MACROD2: variants seen among roughly 807,000 people sequenced by gnomAD.
MACROD2 encodes the protein mono-ADP ribosylhydrolase 2, also known as ADP-ribose glycohydrolase MACROD2.
In MACROD2, 36 loss-of-function variants were observed where a neutral mutation model predicts 70.4. The observed-to-expected ratio is 0.51, with a 90% CI of 0.39 to 0.68. The LOEUF is 0.68. Among genes scored for constraint, MACROD2 ranks in the 30% least tolerant of loss-of-function variants. The pLI, the probability that MACROD2 is intolerant of heterozygous loss-of-function variation, is 0.00. For missense variants in MACROD2, 496 were observed against 538.4 expected, an observed-to-expected ratio of 0.92 and a Z score of 0.78; for synonymous variants, 172 against 178.8, an observed-to-expected ratio of 0.96 and a Z score of 0.30.
At chr20:15,853,134 T>A (rs1163860882) in intron 8 of MACROD2, among the ~76,000 whole-genome samples, 1 of 152,170 alleles carries the variant, frequency 6.6e-6, no homozygotes, top group East Asian at 1.9e-4. Context: ...AGGGTAGAAA[T>A]AAAGGACTCA....
At chr20:14,471,316 CGCCTTCT>C (rs1362992478) in intron 3 of MACROD2, among the ~76,000 whole-genome samples, 1 of 152,176 alleles carries the variant, frequency 6.6e-6, no homozygotes, top group Non-Finnish European at 1.5e-5. Flanking sequence ...TGAAATCACC[CGCCTTCT>C]ACATTGATCT....
intron 2 of MACROD2, among the ~76,000 whole-genome samples, chr20:14,038,076 T>C (rs1194515684): frequency 1.3e-5 from 2 of 152,120 alleles, no homozygotes; most frequent in African/African-American, 4.8e-5. Context: ...AGTGGATCAC[T>C]TCACGTCAGG....
chr20:15,845,596 A>G (rs1313916073), intron 8 of MACROD2, among the ~76,000 whole-genome samples: 1 of 152,134 alleles, frequency 6.6e-6, no homozygotes, highest in Admixed American at 6.6e-5. Context: ...AGCAAACTAG[A>G]TAAGTGTACT....
intron 8 of MACROD2, among the ~76,000 whole-genome samples, chr20:15,667,475 CTATG>C (rs1225687017): frequency 6.8e-6 from 1 of 147,382 alleles, no homozygotes; most frequent in East Asian, 2.0e-4. Context: ...ATCTATGTAT[CTATG>C]TATCTATGTA....
intron 6 of MACROD2, among the ~76,000 whole-genome samples, chr20:15,380,778 A>T (rs1179591958): frequency 1.3e-5 from 2 of 152,200 alleles, no homozygotes; most frequent in African/African-American, 4.8e-5. Flanking sequence ...TCAAAAATTG[A>T]GAAAATATTA....
Position 15,185,935 on chromosome 20 carries a change from A to G in MACROD2, c.419-44005A>G, listed in dbSNP as rs1306918796. Reference sequence around the variant, plus strand: ...AGGAATGCAGTATTATATATCACTCACTCATGAGAAATGACTCCTTGTTTG... The same window carrying G: ...AGGAATGCAGTATTATATATCACTCGCTCATGAGAAATGACTCCTTGTTTG... On this transcript the variant is annotated intron_variant, in intron 5 of 17. Coordinates refer to ENST00000684519, the MANE Select transcript of MACROD2 (RefSeq NM_001351661.2). 3.9e-5 allele frequency among the ~76,000 whole-genome samples: 6 copies of G among 152,080 alleles called. No individual in the cohort carries two copies. In the East Asian group the frequency reaches 1.2e-3, roughly 29 times the overall value.
chr20:15,758,237 C>CTTTTT (rs397793806), intron 8 of MACROD2, among the ~76,000 whole-genome samples: 1 of 122,130 alleles, frequency 8.2e-6, no homozygotes, highest in African/African-American at 3.1e-5. Context: ...TCCTGTAATT[C>CTTTTT]TTTTTTTTTT....
intron 9 of MACROD2, among the ~76,000 whole-genome samples, chr20:15,864,221 A>G (rs1412795524): frequency 3.3e-5 from 5 of 152,040 alleles, no homozygotes; most frequent in Non-Finnish European, 5.9e-5. Flanking sequence ...TAATCTGATG[A>G]CTTTTATTGT....
At chr20:16,015,133 A>G (rs1205357491) in intron 15 of MACROD2, among the ~76,000 whole-genome samples, 1 of 152,204 alleles carries the variant, frequency 6.6e-6, no homozygotes, top group Non-Finnish European at 1.5e-5. Flanking sequence ...GTTTATATGT[A>G]TAGAAACCTG....
chr20:14,569,119 G>A (rs1568675552), intron 4 of MACROD2, among the ~76,000 whole-genome samples: 2 of 151,974 alleles, frequency 1.3e-5, no homozygotes, highest in Non-Finnish European at 2.9e-5. Context: ...ATCTTTTTCT[G>A]TCCTTTGTCT....
chr20:15,038,125 G>A (rs2075328272), intron 5 of MACROD2, among the ~76,000 whole-genome samples: 1 of 152,152 alleles, frequency 6.6e-6, no homozygotes, highest in Admixed American at 6.6e-5. Flanking sequence ...AATGTGCTTA[G>A]AATATATGCC....
chr20:14,953,180 A>T (rs1034199727), intron 5 of MACROD2, among the ~76,000 whole-genome samples: 35 of 152,086 alleles, frequency 2.3e-4, no homozygotes, highest in African/African-American at 8.2e-4. Flanking sequence ...TGAGTCAAAA[A>T]TGTATTGGGT....
At position 16,051,533 on chromosome 20, in the gene MACROD2, C is replaced by T. The variant is rs1229164673; in HGVS notation, c.*1657C>T. 4 of 152,260 alleles carry T rather than the reference C, an allele frequency of 2.6e-5. No individual in the cohort carries two copies. The highest frequency in any genetic ancestry group is 6.5e-5 in the Admixed American group (1 of 15,296). The allele number at this position is 152,260 out of a possible 1,614,324, so 9.4% of individuals were successfully genotyped here. On this transcript the variant is annotated 3_prime_UTR_variant, in exon 18 of 18. Transcript: ENST00000684519. ...AAGACATCAGCAAGAATGACATTTA[C>T]GTGACCTCATAATGTGGGATTATGG...
chr20:14,892,605 T>C (rs929406718), intron 5 of MACROD2: 12 of 152,206 alleles, frequency 7.9e-5, no homozygotes, highest in African/African-American at 2.9e-4. Context: ...ATTAACTATA[T>C]TCACGTTGTT....
At chr20:15,206,492 A>C (rs2145937142) in intron 5 of MACROD2, among the ~76,000 whole-genome samples, 1 of 152,172 alleles carries the variant, frequency 6.6e-6, no homozygotes. Flanking sequence ...TACATACATC[A>C]ATCAATGTGG....
chr20:14,391,798 A>G (rs1192268025), intron 3 of MACROD2, among the ~76,000 whole-genome samples: 4 of 144,398 alleles, frequency 2.8e-5, no homozygotes, highest in East Asian at 2.0e-4. Flanking sequence ...GATGGCAACA[A>G]TAGACACTGA....
At chr20:15,975,502 A>T (rs1012698575) in intron 13 of MACROD2, among the ~76,000 whole-genome samples, 10 of 152,202 alleles carry the variant, frequency 6.6e-5, no homozygotes, top group African/African-American at 2.4e-4. Context: ...CTCACCCATA[A>T]CGTGGAATAT....
intron 3 of MACROD2, among the ~76,000 whole-genome samples, chr20:14,450,387 G>A (rs558011365): frequency 6.6e-6 from 1 of 152,174 alleles, no homozygotes; most frequent in African/African-American, 2.4e-5. Flanking sequence ...TGCACACACT[G>A]AACAAATAAT....
chr20:15,425,254 C>G (rs952874336), intron 6 of MACROD2, among the ~76,000 whole-genome samples: 2 of 152,168 alleles, frequency 1.3e-5, no homozygotes, highest in Non-Finnish European at 2.9e-5. Flanking sequence ...CAATTTATCT[C>G]CTTTTTATCC....
Sources: gnomAD v4.1 joint callset for allele counts (sites outside exome capture counted in the v4.1 genomes callset) on GRCh38, gnomAD v4.1.1 for gene constraint, MANE v1.5 for transcripts, NCBI Gene and HGNC (gene_info 2026-07-23, HGNC 2026-07-21) for gene names.